MYOF: variants seen among roughly 807,000 people sequenced by gnomAD.
MYOF encodes the protein fer-1-like 3, myoferlin.
A neutral mutation model predicts 284.2 loss-of-function variants in MYOF; 244 were observed. The observed-to-expected ratio is 0.86, with a 90% CI of 0.77 to 0.95. MYOF has a LOEUF of 0.95. Ranked by LOEUF, MYOF falls within the 40% of genes least tolerant of loss-of-function variation. The probability of loss-of-function intolerance (pLI) is 0.00; values close to 1 mark genes in which losing one functional copy is unlikely to be tolerated. For synonymous variants in MYOF, 904 were observed against 919.7 expected (o/e 0.98, Z 0.31); for missense variants, 2,496 against 2,560.6 (o/e 0.97, Z 0.54).
At chr10:93,410,615 CTCTT>C (rs1589526010) in intron 5 of MYOF, among the ~76,000 whole-genome samples, 1 of 152,168 alleles carries the variant, frequency 6.6e-6, no homozygotes, top group Non-Finnish European at 1.5e-5. Context: ...ACTACCTCTC[CTCTT>C]TCTTTTATTC....
intron 5 of MYOF, among the ~76,000 whole-genome samples, chr10:93,417,403 G>A (rs1848179125): frequency 6.6e-6 from 1 of 152,120 alleles, no homozygotes; most frequent in African/African-American, 2.4e-5. Context: ...CTGCCCTTGT[G>A]TGCAGTCACT....
intron 5 of MYOF, among the ~76,000 whole-genome samples, chr10:93,419,185 C>T (rs1340620210): frequency 4.0e-5 from 6 of 151,408 alleles, no homozygotes; most frequent in South Asian, 4.2e-4. Context: ...TTTTTTGAGA[C>T]GGAGTATTGT....
rs142196175 is a variant in MYOF at position 93,423,868 on chromosome 10, A to T, written c.433+2203T>A. On this transcript the variant is annotated intron_variant, in intron 5 of 53. Coordinates refer to ENST00000359263, the MANE Select transcript of MYOF (RefSeq NM_013451.4). ...AAACAAACCAAAAAATCAAAAACAG[A>T]CACATAGAGAGGAAGATCCTTGAGC... 1.9e-3 allele frequency among the ~76,000 whole-genome samples: 286 copies of T among 151,764 alleles called. 1 individual carries two copies. The highest frequency in any genetic ancestry group is 5.9e-3 in the African/African-American group (244 of 41,434).
intron 48 of MYOF, among the ~76,000 whole-genome samples, chr10:93,322,566 T>C (rs1015794264): frequency 6.6e-6 from 1 of 152,210 alleles, no homozygotes; most frequent in East Asian, 1.9e-4. Flanking sequence ...TGAACAACAA[T>C]GACACTTGAC....
chr10:93,433,157 T>G (rs1377894113), intron 3 of MYOF, among the ~76,000 whole-genome samples: 1 of 152,140 alleles, frequency 6.6e-6, no homozygotes, highest in Non-Finnish European at 1.5e-5. Flanking sequence ...ATGTTTTATT[T>G]ATTTATTTAT....
At chr10:93,388,907 C>G (rs2134031438) in intron 18 of MYOF, 123 bp downstream of exon 18, 1 of 1,299,094 alleles carries the variant, frequency 7.7e-7, no homozygotes, top group Non-Finnish European at 1.0e-6. Flanking sequence ...CTTTTCCTAT[C>G]TTTGCATTCT....
At position 93,399,484 on chromosome 10, in the gene MYOF, A is replaced by C; in HGVS notation, c.1129T>G (p.Phe377Val). ...AEDIPQMDDA[F>V]SQTVKEIFGG... The stretch of plus-strand genomic sequence containing the variant: ...AATATTTCCTTTACTGTCTGTGAGA[A>C]GGCATCATCCACTGGAAGGTAATAG... Residue 377 changes from phenylalanine (F) to valine (V), a missense_variant, in exon 13 of 54, where the codon TTC (phenylalanine) becomes GTC (valine). By Grantham distance (50) the Phe-to-Val change is conservative (BLOSUM62 -1). This residue lies in a region of MYOF where 2,436 missense variants were observed against 2,480.7 expected (regional missense o/e 0.98). Coordinates refer to ENST00000359263, the MANE Select transcript of MYOF (RefSeq NM_013451.4). The C allele has an allele frequency of 1.2e-6, 2 of 1,611,706 alleles. No individual in the cohort carries two copies. The highest frequency in any genetic ancestry group is 1.1e-5 in the South Asian group (1 of 90,816).
At chr10:93,421,227 AAG>A (rs1274277372) in intron 5 of MYOF, among the ~76,000 whole-genome samples, 4 of 152,206 alleles carry the variant, frequency 2.6e-5, no homozygotes, top group Non-Finnish European at 5.9e-5. Flanking sequence ...AAAAAAAAGA[AAG>A]AAAGAAAGAA....
chr10:93,402,256 G>A lies in MYOF; in HGVS notation c.966C>T (p.Val322=), dbSNP rs553066338. The change falls in exon 11 of 54, where the codon GTC becomes GTT. Residue 322 remains valine, a synonymous_variant. Transcript: ENST00000359263. ...SKGYMKVSMF[V]LGTGDEPPPE... is the part of the protein sequence containing the mutation. ...CAGGAGGCTCATCTCCGGTTCCCAG[G>A]ACAAACATGCTGACTTTCATATAAC... The A allele has an allele frequency of 5.1e-5, 82 of 1,614,068 alleles. 2 individuals are homozygous for A. In the South Asian group the frequency reaches 8.3e-4, roughly 16 times the overall value.
chr10:93,402,214 G>C lies in MYOF; in HGVS notation c.990+18C>G, dbSNP rs1271388599. 6.3e-7 allele frequency: 1 copy of C among 1,597,386 alleles called. No individual in the cohort carries two copies. Among genetic ancestry groups the C allele is most frequent in the Non-Finnish European group, 8.6e-7 (1 of 1,164,860 alleles). On this transcript the variant is annotated intron_variant, in intron 11 of 53. Transcript: ENST00000359263. ...TTTTTAGTGAGAAGTGTAGAAAGTA[G>C]AGAATGTAGGGACTCACAGGAGGCT...
chr10:93,354,772 C>G (rs1215549121), intron 31 of MYOF, among the ~76,000 whole-genome samples: 2 of 150,984 alleles, frequency 1.3e-5, no homozygotes, highest in African/African-American at 4.9e-5. Flanking sequence ...GTTCAAATCT[C>G]TCTAGTGCTT....
chr10:93,326,015 C>T, intron 45 of MYOF, 50 bp from the exon 46 acceptor site: 1 of 1,611,378 alleles, frequency 6.2e-7, no homozygotes, highest in Non-Finnish European at 8.5e-7. Flanking sequence ...GGGAATAGTT[C>T]AGCCAGATTG....
chr10:93,389,511 G>A (rs1293039808), intron 17 of MYOF, among the ~76,000 whole-genome samples: 3 of 152,074 alleles, frequency 2.0e-5, no homozygotes, highest in Non-Finnish European at 2.9e-5. Flanking sequence ...ATATTGTTTT[G>A]GGAAGTCACT....
chr10:93,378,498 T>C (rs1320139487), intron 21 of MYOF, among the ~76,000 whole-genome samples: 1 of 151,836 alleles, frequency 6.6e-6, no homozygotes, highest in African/African-American at 2.4e-5. Flanking sequence ...ATTTCAGATT[T>C]TGCCGTCGAG....
chr10:93,401,395 G>C (rs1399630803), intron 12 of MYOF, 23 bp downstream of exon 12: 1 of 1,609,832 alleles, frequency 6.2e-7, no homozygotes, highest in Non-Finnish European at 8.5e-7. Flanking sequence ...ACAATTCTGG[G>C]GCAAGATTAA....
chr10:93,405,287 A>G (rs1270409184), intron 7 of MYOF, among the ~76,000 whole-genome samples: 2 of 152,246 alleles, frequency 1.3e-5, no homozygotes, highest in Non-Finnish European at 2.9e-5. Flanking sequence ...CAATTTTCAA[A>G]TTTCTCCAAT....
chr10:93,382,438 T>A (rs1846169335), intron 19 of MYOF, among the ~76,000 whole-genome samples: 1 of 152,204 alleles, frequency 6.6e-6, no homozygotes, highest in Non-Finnish European at 1.5e-5. Flanking sequence ...ATAAAGATTT[T>A]CATGTCAGAT....
At chr10:93,434,499 G>A (rs1849025401) in intron 3 of MYOF, among the ~76,000 whole-genome samples, 1 of 151,686 alleles carries the variant, frequency 6.6e-6, no homozygotes, top group Admixed American at 6.6e-5. Context: ...GCCTCCAGAG[G>A]GACAATAGGG....
chr10:93,466,490 T>C (rs1232424039), intron 1 of MYOF, among the ~76,000 whole-genome samples: 2 of 152,136 alleles, frequency 1.3e-5, no homozygotes, highest in African/African-American at 2.4e-5. Context: ...GGAGCTGCAG[T>C]GAAGTCCAGT....
Sources: gnomAD v4.1 joint callset for allele counts (sites outside exome capture counted in the v4.1 genomes callset) on GRCh38, gnomAD v4.1.1 for gene constraint, gnomAD v4.1.1 regional missense constraint, MANE v1.5 for transcripts, NCBI Gene and HGNC (gene_info 2026-07-23, HGNC 2026-07-21) for gene names.